The following GABPB1 variants were observed in gnomAD, a reference collection of about 807,000 sequenced individuals.
GABPB1 encodes GA binding protein transcription factor subunit beta 1, also known as GA-binding protein subunit beta-1.
A neutral mutation model predicts 45.9 loss-of-function variants in GABPB1; 15 were observed. The observed-to-expected ratio is 0.33, with a 90% confidence interval of 0.22 to 0.50. The LOEUF (loss-of-function observed/expected upper bound fraction) is 0.50, where lower values mean the gene tolerates loss of function less well. GABPB1 is among the 20% of genes least tolerant of loss of function. GABPB1 has a pLI of 0.98. For missense variants in GABPB1, 252 were observed against 457.5 expected (o/e 0.55, Z 4.10); for synonymous variants, 143 against 154.4 (o/e 0.93, Z 0.55).
At chr15:50,301,893 T>C (rs1280649208) in intron 4 of GABPB1, among the ~76,000 whole-genome samples, 1 of 152,186 alleles carries the variant, frequency 6.6e-6, no homozygotes, top group Non-Finnish European at 1.5e-5. Context: ...CAATTAATTG[T>C]TCCCCATCTT....
chr15:50,284,572 CA>C (rs2046094237), intron 8 of GABPB1, among the ~76,000 whole-genome samples: 2 of 152,130 alleles, frequency 1.3e-5, no homozygotes. Flanking sequence ...AGAAAGAAAT[CA>C]GGCTGAACTT....
chr15:50,279,156 C>T (rs1190712568), intron 8 of GABPB1, among the ~76,000 whole-genome samples: 6 of 152,058 alleles, frequency 3.9e-5, no homozygotes, highest in Non-Finnish European at 7.4e-5. Context: ...GGTGCTCTTA[C>T]CAAAAGGTAA....
chr15:50,354,298 G>C (rs763670272), intron 1 of GABPB1: 1 of 442,290 alleles, frequency 2.3e-6, no homozygotes, highest in South Asian at 1.6e-5. Flanking sequence ...AGAACGGCAG[G>C]CTTCTCCCCC....
intron 2 of GABPB1, among the ~76,000 whole-genome samples, chr15:50,305,241 T>C (rs1567504146): frequency 1.3e-5 from 2 of 152,160 alleles, no homozygotes; most frequent in East Asian, 3.8e-4. Flanking sequence ...TATGAAGAGA[T>C]TAAGTGAGAT....
At chr15:50,282,553 T>TAAAAAAAAAAAAAAAAA (rs754828693) in intron 8 of GABPB1, among the ~76,000 whole-genome samples, 8 of 27,312 alleles carry the variant, frequency 2.9e-4, no homozygotes, top group African/African-American at 5.5e-4. Flanking sequence ...GACCCTGCCT[T>TAAAAAAAAAAAAAAAAA]AAAAAAGAAA....
chr15:50,289,595 A>AC lies in GABPB1; in HGVS notation c.770dup (p.Gln258SerfsTer48). On this transcript the variant is annotated frameshift_variant, in exon 7 of 9. Transcript: ENST00000380877. LOFTEE classifies it high-confidence loss of function. ...CTGTAACTATTGTGATGACTTGCTG[A>AC]CCCCCTGAACTAACTACTTGCTGAA... The AC allele has an allele frequency of 6.2e-7, 1 of 1,612,850 alleles. No individual in the cohort carries two copies. Among genetic ancestry groups the AC allele is most frequent in the Non-Finnish European group, 8.5e-7 (1 of 1,179,604 alleles).
chr15:50,281,606 C>T (rs1185204721), intron 8 of GABPB1, among the ~76,000 whole-genome samples: 1 of 152,162 alleles, frequency 6.6e-6, no homozygotes, highest in Admixed American at 6.5e-5. Flanking sequence ...CCAAATATGA[C>T]AAGTATGATT....
chr15:50,303,103 T>G lies in GABPB1; in HGVS notation c.297A>C (p.Ala99=), dbSNP rs1335971538. Residue 99 remains alanine, a synonymous_variant, in exon 4 of 9, where the codon GCA becomes GCC. Coordinates refer to ENST00000380877, the MANE Select transcript of GABPB1 (RefSeq NM_016654.5). Reference sequence around the variant, plus strand: ...GAGCTGTCATCTTTAACATGTCCTTTGCATTGACATCAGCACCATGCTACA... The same window carrying G: ...GAGCTGTCATCTTTAACATGTCCTTGGCATTGACATCAGCACCATGCTACA... The part of the protein sequence containing the change: ...VLLKHGADVN[A]KDMLKMTALH... The G allele has an allele frequency of 5.0e-6, 8 of 1,611,010 alleles. No individual in the cohort carries two copies. Among genetic ancestry groups the G allele is most frequent in the Non-Finnish European group, 6.8e-6 (8 of 1,179,256 alleles).
At chr15:50,310,736 T>C (rs968746047) in intron 1 of GABPB1, among the ~76,000 whole-genome samples, 2 of 152,102 alleles carry the variant, frequency 1.3e-5, no homozygotes, top group Non-Finnish European at 2.9e-5. Flanking sequence ...CCCAGCAGTC[T>C]GGGAGGCTGA....
intron 1 of GABPB1, among the ~76,000 whole-genome samples, chr15:50,321,406 C>A (rs2047564757): frequency 6.6e-6 from 1 of 152,172 alleles, no homozygotes; most frequent in Non-Finnish European, 1.5e-5. Context: ...ACTCACAAAG[C>A]TGATGAAAAA....
chr15:50,286,141 A>C lies in GABPB1; in HGVS notation c.926T>G (p.Ile309Arg). The stretch of plus-strand genomic sequence containing the variant: ...TCTCTTAGCTGGTGGTTCTTCACTT[A>C]TAACAGTTTCTTCAGCAATGTCTGT... ...PATDIAEETV[I>R]SEEPPAKRQC... The change falls in exon 8 of 9, where the codon ATA becomes AGA. Residue 309 changes from isoleucine to arginine, a missense_variant. Transcript: ENST00000380877. 6.2e-7 allele frequency: 1 copy of C among 1,607,760 alleles called. No individual in the cohort carries two copies. Among genetic ancestry groups the C allele is most frequent in the Non-Finnish European group, 8.5e-7 (1 of 1,176,858 alleles).
intron 6 of GABPB1, among the ~76,000 whole-genome samples, chr15:50,300,429 G>GTTTTTTTT (rs1363908199): frequency 5.5e-5 from 4 of 72,176 alleles, no homozygotes; most frequent in Non-Finnish European, 1.1e-4. Context: ...ATCTGCAACT[G>GTTTTTTTT]TTTTTGGTTT....
At chr15:50,293,202 A>T (rs2046408795) in intron 6 of GABPB1, among the ~76,000 whole-genome samples, 2 of 152,156 alleles carry the variant, frequency 1.3e-5, no homozygotes, top group Admixed American at 1.3e-4. Context: ...GTTTCTATCA[A>T]CTCACAGTAT....
chr15:50,344,916 T>TA (rs2048509273), intron 1 of GABPB1, among the ~76,000 whole-genome samples: 2 of 151,974 alleles, frequency 1.3e-5, no homozygotes, highest in Non-Finnish European at 2.9e-5. Flanking sequence ...ATGATAAAAT[T>TA]AAAAGAAATG....
rs574900686 is a variant in GABPB1 at position 50,291,249 on chromosome 15, T to C, written c.698-1581A>G. ...ACTGTACACTTATAATCTATAAACA[T>C]TTCTGTACATTAAACCTCACTTCAA... On this transcript the variant is annotated intron_variant, in intron 6 of 8. Transcript: ENST00000380877. 3.3e-5 allele frequency among the ~76,000 whole-genome samples: 5 copies of C among 152,294 alleles called. No individual in the cohort carries two copies. In the South Asian group the frequency reaches 1.0e-3, roughly 32 times the overall value.
chr15:50,284,370 T>C (rs184718225), intron 8 of GABPB1, among the ~76,000 whole-genome samples: 1 of 152,264 alleles, frequency 6.6e-6, no homozygotes, highest in Admixed American at 6.5e-5. Context: ...AGAATAAGAT[T>C]TCCATTACCA....
At chr15:50,300,429 GTTTTTGGTTTTTTTTTTT>G (rs1282382618) in intron 6 of GABPB1, among the ~76,000 whole-genome samples, 20 of 72,176 alleles carry the variant, frequency 2.8e-4, no homozygotes, top group African/African-American at 1.0e-4. Context: ...ATCTGCAACT[GTTTTTGGTTTTTTTTTTT>G]TTTTTTTTTT....
intron 1 of GABPB1, among the ~76,000 whole-genome samples, chr15:50,327,626 G>A (rs779051449): frequency 2.0e-5 from 3 of 152,112 alleles, no homozygotes; most frequent in African/African-American, 7.2e-5. Context: ...TGGGATGACC[G>A]GGCGTGGTGG....
At chr15:50,302,842 T>C in intron 4 of GABPB1, 87 bp downstream of exon 4, 2 of 868,350 alleles carry the variant, frequency 2.3e-6, no homozygotes, top group South Asian at 1.6e-5. Flanking sequence ...CTACAAACAA[T>C]AGTTTAAATC....
Sources: gnomAD v4.1 joint callset for allele counts (sites outside exome capture counted in the v4.1 genomes callset) on GRCh38, gnomAD v4.1.1 for gene constraint, MANE v1.5 for transcripts, NCBI Gene and HGNC (gene_info 2026-07-23, HGNC 2026-07-21) for gene names.